The following ELMO1 variants were observed in gnomAD, a reference collection of about 807,000 sequenced individuals.
ELMO1 encodes the protein engulfment and cell motility 1, also known as engulfment and cell motility protein 1.
ELMO1 carries 26 observed loss-of-function variants against 98.9 expected under a neutral mutation model. That is an observed-to-expected ratio of 0.26 (90% CI 0.19 to 0.36). The LOEUF is 0.36. Ranked by LOEUF, ELMO1 falls within the 10% of genes least tolerant of loss-of-function variation. The pLI, the probability that ELMO1 is intolerant of heterozygous loss-of-function variation, is 1.00. For missense variants in ELMO1, 627 were observed against 935.2 expected (o/e 0.67, Z 4.30); for synonymous variants, 346 against 346.0 (o/e 1.00, Z 0.00).
intron 13 of ELMO1, among the ~76,000 whole-genome samples, chr7:37,144,917 AAGAC>A (rs1350651051): frequency 1.3e-5 from 2 of 152,212 alleles, no homozygotes; most frequent in African/African-American, 4.8e-5. Context: ...TATAAGCTCT[AAGAC>A]AGAAAATCTC....
intron 2 of ELMO1, among the ~76,000 whole-genome samples, chr7:37,335,884 G>A (rs1800376421): frequency 6.6e-6 from 1 of 152,174 alleles, no homozygotes; most frequent in Non-Finnish European, 1.5e-5. Flanking sequence ...GGTGAAATGT[G>A]TCTCCTAGCA....
At chr7:37,067,959 A>C (rs980546297) in intron 15 of ELMO1, among the ~76,000 whole-genome samples, 1 of 152,174 alleles carries the variant, frequency 6.6e-6, no homozygotes, top group African/African-American at 2.4e-5. Context: ...GGGTTATGAG[A>C]ATCCAAAATT....
chr7:37,046,670 C>A (rs1195293377), intron 15 of ELMO1, among the ~76,000 whole-genome samples: 3 of 152,194 alleles, frequency 2.0e-5, no homozygotes, highest in Non-Finnish European at 4.4e-5. Context: ...TGCCGTTAAT[C>A]TTAATTCTCT....
intron 13 of ELMO1, among the ~76,000 whole-genome samples, chr7:37,150,286 TTTTTC>T (rs1788269533): frequency 6.6e-6 from 1 of 152,026 alleles, no homozygotes; most frequent in African/African-American, 2.4e-5. Context: ...TCTTTTTTTT[TTTTTC>T]TTTAACAGGC....
At chr7:37,005,122 A>AAAAAAAAAAAG (rs1792968619) in intron 16 of ELMO1, among the ~76,000 whole-genome samples, 1 of 151,034 alleles carries the variant, frequency 6.6e-6, no homozygotes, top group African/African-American at 2.4e-5. Context: ...AAAAAAAAAA[A>AAAAAAAAAAAG]AAAAAAAAAA....
intron 1 of ELMO1, among the ~76,000 whole-genome samples, chr7:37,386,415 T>G (rs1427900729): frequency 6.6e-6 from 1 of 151,760 alleles, no homozygotes; most frequent in African/African-American, 2.4e-5. Flanking sequence ...CTCCCCATAG[T>G]CCTTACAGCC....
At chr7:37,140,097 C>T (rs989434901) in intron 13 of ELMO1, among the ~76,000 whole-genome samples, 13 of 151,846 alleles carry the variant, frequency 8.6e-5, no homozygotes, top group African/African-American at 1.5e-4. Context: ...AATCTAAGGC[C>T]GGGCATGGTG....
chr7:37,076,883 C>T (rs1797610979), intron 15 of ELMO1, among the ~76,000 whole-genome samples: 1 of 152,248 alleles, frequency 6.6e-6, no homozygotes, highest in South Asian at 2.1e-4. Flanking sequence ...TGAGCACAGG[C>T]TGTGTATCTG....
intron 1 of ELMO1, among the ~76,000 whole-genome samples, chr7:37,394,087 GC>G (rs770396419): frequency 1.4e-4 from 21 of 152,236 alleles, no homozygotes; most frequent in Non-Finnish European, 1.5e-4. Context: ...ATTCATTCAT[GC>G]CACTTATATT....
chr7:37,314,795 CA>C lies in ELMO1; in HGVS notation c.192+54del, dbSNP rs1179998331. 10 of 1,529,778 alleles carry C rather than the reference CA, an allele frequency of 6.5e-6. No individual in the cohort carries two copies. In the African/African-American group the frequency reaches 9.6e-5, roughly 15 times the overall value. The allele number at this position is 1,529,778 out of a possible 1,614,324, so 94.8% of individuals were successfully genotyped here. On this transcript the variant is annotated intron_variant, in intron 4 of 21. Coordinates refer to ENST00000310758, the MANE Select transcript of ELMO1 (RefSeq NM_014800.11). ...TAGGCCCGAACAAAGAAAACATCAT[CA>C]TGATTTACTTTCCTTCAATATGTAT...
intron 15 of ELMO1, among the ~76,000 whole-genome samples, chr7:37,074,906 A>C (rs1249096786): frequency 6.6e-6 from 1 of 152,200 alleles, no homozygotes; most frequent in Non-Finnish European, 1.5e-5. Flanking sequence ...TTCAAGGCCC[A>C]AAGCAGTAAG....
chr7:37,167,064 G>A (rs912283683), intron 13 of ELMO1, among the ~76,000 whole-genome samples: 1 of 152,244 alleles, frequency 6.6e-6, no homozygotes, highest in Middle Eastern at 3.4e-3. Context: ...AGCTCTTCTT[G>A]TTGAATTGAT....
intron 18 of ELMO1, among the ~76,000 whole-genome samples, chr7:36,886,656 G>T (rs1805033775): frequency 6.6e-6 from 1 of 152,160 alleles, no homozygotes; most frequent in Non-Finnish European, 1.5e-5. Flanking sequence ...TTGCTTCTAG[G>T]AGAGTGTGGT....
chr7:37,217,710 ACAGT>A (rs1397148439), intron 10 of ELMO1: 1 of 457,032 alleles, frequency 2.2e-6, no homozygotes, highest in Non-Finnish European at 4.4e-6. Context: ...TGGGTGACTT[ACAGT>A]CAGAGGACAA....
At chr7:36,952,326 A>G (rs1788032704) in intron 16 of ELMO1, among the ~76,000 whole-genome samples, 1 of 152,214 alleles carries the variant, frequency 6.6e-6, no homozygotes, top group African/African-American at 2.4e-5. Flanking sequence ...GGGGCCAAAC[A>G]CAGCACGTGG....
At chr7:36,871,536 C>T (rs17331515) in intron 19 of ELMO1, among the ~76,000 whole-genome samples, 11,634 of 152,280 alleles carry the variant, frequency 0.076, 635 homozygotes, top group Middle Eastern at 0.14. Context: ...AAGGTATGCA[C>T]GCTGGCTAGT....
At chr7:37,341,996 T>A (rs1274836754) in intron 2 of ELMO1, among the ~76,000 whole-genome samples, 1 of 152,186 alleles carries the variant, frequency 6.6e-6, no homozygotes, top group Non-Finnish European at 1.5e-5. Context: ...AAAGGATGCC[T>A]TTATGGGTCA....
rs1805769772 is a variant in ELMO1, at chr7:37,448,682, G to GCAA, written c.-82_-81insTTG. The GCAA allele has an allele frequency of 1.3e-5, 2 of 152,312 alleles. No homozygotes were observed. Among genetic ancestry groups the GCAA allele is most frequent in the Non-Finnish European group, 2.9e-5 (2 of 68,126 alleles). The allele number at this position is 152,312 out of a possible 1,614,324, so 9.4% of individuals were successfully genotyped here. ...CCAGGAAACTTTACGAACCTGCTTG[G>GCAA]GGTCGCAGGACAGCAGCGGCAAGGG... On this transcript the variant is annotated 5_prime_UTR_variant, in exon 1 of 22. Transcript: ENST00000310758.
chr7:36,951,692 A>G (rs1248845815), intron 16 of ELMO1, among the ~76,000 whole-genome samples: 1 of 152,208 alleles, frequency 6.6e-6, no homozygotes, highest in Non-Finnish European at 1.5e-5. Context: ...CATTCAAAAT[A>G]TGGTGCCCAC....
Sources: gnomAD v4.1 joint callset for allele counts (sites outside exome capture counted in the v4.1 genomes callset) on GRCh38, gnomAD v4.1.1 for gene constraint, MANE v1.5 for transcripts, NCBI Gene and HGNC (gene_info 2026-07-23, HGNC 2026-07-21) for gene names.